The following SCAPER variants were observed in gnomAD, a reference collection of about 807,000 sequenced individuals.
SCAPER encodes S-phase cyclin A associated protein in the ER.
In SCAPER, 98 loss-of-function variants were observed where a neutral mutation model predicts 182.2. The ratio of observed to expected loss-of-function variants is 0.54; its 90% CI spans 0.46 to 0.64. The LOEUF is 0.64. SCAPER is among the 30% of genes least tolerant of loss of function. SCAPER has a pLI of 0.00. For synonymous variants in SCAPER, 605 were observed against 564.6 expected (o/e 1.07, Z -1.01); for missense variants, 1,432 against 1,690.0 (o/e 0.85, Z 2.68).
chr15:76,520,964 G>GAT lies in SCAPER; in HGVS notation c.2839-15992_2839-15991dup, dbSNP rs943693100. ...TGGCGGGAAGTTTTCCTAGACAGAT[G>GAT]ATAGCACTACAGATATAATGAACTA... On this transcript the variant is annotated intron_variant, in intron 23 of 31. Coordinates refer to ENST00000563290, the MANE Select transcript of SCAPER (RefSeq NM_020843.4). Among the ~76,000 whole-genome samples the GAT allele has an allele frequency of 1.5e-3, 232 of 152,250 alleles. 1 individual carries two copies. The highest frequency in any genetic ancestry group is 5.3e-3 in the African/African-American group (220 of 41,534).
At chr15:76,399,231 G>C (rs796873068) in intron 27 of SCAPER, among the ~76,000 whole-genome samples, 65 of 152,168 alleles carry the variant, frequency 4.3e-4, no homozygotes, top group African/African-American at 1.4e-3. Context: ...TCCGCCTCCT[G>C]GGTTCAAGCA....
At position 76,857,874 on chromosome 15, in the gene SCAPER, G is replaced by T; in HGVS notation, c.130C>A (p.Pro44Thr). Residue 44 changes from proline to threonine, a missense_variant, in exon 4 of 32, where the codon CCT (proline) becomes ACT (threonine). Physicochemically the swap from Pro to Thr is conservative, Grantham distance 38. This residue lies in a region of SCAPER where 480 missense variants were observed against 510.2 expected (regional missense o/e 0.94). Transcript: ENST00000563290. ...GATTTTCCACCAGTTTGACATTTAGGTTTTCCTTCAAGGCAAGAAAAAAAT... is the reference window on the plus strand; with the variant it reads ...GATTTTCCACCAGTTTGACATTTAGTTTTTCCTTCAAGGCAAGAAAAAAAT... ...PLESKDDDGK[P>T]KCQTGGKSKR... 6.5e-7 allele frequency: 1 copy of T among 1,544,820 alleles called. No homozygotes were observed. The highest frequency in any genetic ancestry group is 8.7e-7 in the Non-Finnish European group (1 of 1,143,570).
intron 4 of SCAPER, among the ~76,000 whole-genome samples, chr15:76,853,922 G>A (rs756102888): frequency 9.9e-5 from 15 of 152,200 alleles, no homozygotes; most frequent in Non-Finnish European, 1.9e-4. Flanking sequence ...AAAACCCATA[G>A]TCTCAGCACA....
At chr15:76,560,358 G>A (rs776968232) in intron 23 of SCAPER, among the ~76,000 whole-genome samples, 4 of 152,154 alleles carry the variant, frequency 2.6e-5, no homozygotes, top group Admixed American at 1.3e-4. Context: ...ATTCAGGCCC[G>A]TAACTAGAAA....
rs753999110 is a variant in SCAPER at position 76,348,492 on chromosome 15, T to C, written c.*141A>G. ...TTCAAGTATCTACAGTCATTATAAA[T>C]AGTGTAAAGTACATGCCATATCTAC... On this transcript the variant is annotated 3_prime_UTR_variant, in exon 32 of 32. Transcript: ENST00000563290. 77 of 516,654 alleles carry C rather than the reference T, an allele frequency of 1.5e-4. No homozygotes were observed. The highest frequency in any genetic ancestry group is 2.4e-4 in the Non-Finnish European group (69 of 292,298). 32.0% of individuals were successfully genotyped at this position (516,654 alleles called of 1,614,324 possible). A position where few individuals can be genotyped will look rare whatever the true frequency, so the allele number is the denominator to read the frequency against.
chr15:76,362,279 T>C (rs149483932), intron 29 of SCAPER, among the ~76,000 whole-genome samples: 50 of 151,602 alleles, frequency 3.3e-4, no homozygotes, highest in Non-Finnish European at 6.6e-4. Flanking sequence ...AGCCCACATA[T>C]TGTTTTTTAA....
intron 1 of SCAPER, among the ~76,000 whole-genome samples, chr15:76,888,647 G>A (rs955554579): frequency 1.3e-5 from 2 of 152,134 alleles, no homozygotes; most frequent in African/African-American, 4.8e-5. Context: ...AAAAAGAAAT[G>A]AACAAAGCCT....
intron 26 of SCAPER, among the ~76,000 whole-genome samples, chr15:76,427,745 CA>C (rs2046538541): frequency 6.6e-6 from 1 of 151,990 alleles, no homozygotes; most frequent in Non-Finnish European, 1.5e-5. Flanking sequence ...CCAGCCTGGC[CA>C]ACATGGTGAA....
intron 26 of SCAPER, among the ~76,000 whole-genome samples, chr15:76,424,522 G>A (rs889860445): frequency 6.6e-6 from 1 of 152,264 alleles, no homozygotes; most frequent in African/African-American, 2.4e-5. Flanking sequence ...CTCTGCACGT[G>A]AGATGGGTCT....
chr15:76,404,054 C>T (rs2044651450), intron 27 of SCAPER, among the ~76,000 whole-genome samples: 1 of 152,132 alleles, frequency 6.6e-6, no homozygotes, highest in African/African-American at 2.4e-5. Flanking sequence ...GGCTCCCTTC[C>T]CTTATTCATG....
intron 5 of SCAPER, among the ~76,000 whole-genome samples, chr15:76,809,483 G>A (rs1483173172): frequency 6.6e-6 from 1 of 151,854 alleles, no homozygotes; most frequent in Non-Finnish European, 1.5e-5. Flanking sequence ...TTTAATATAG[G>A]GGTTAAACAG....
At chr15:76,488,764 T>C (rs936803138) in intron 24 of SCAPER, among the ~76,000 whole-genome samples, 3 of 130,734 alleles carry the variant, frequency 2.3e-5, no homozygotes, top group Admixed American at 1.8e-4. Context: ...CTCTCTCTTT[T>C]GCCCAGGCTG....
chr15:76,859,538 A>G (rs139247649), intron 3 of SCAPER, among the ~76,000 whole-genome samples: 1 of 152,346 alleles, frequency 6.6e-6, no homozygotes, highest in Admixed American at 6.5e-5. Flanking sequence ...CTAAGTATAT[A>G]TTGTAGTCAT....
chr15:76,801,246 C>T (rs914808073), intron 6 of SCAPER, among the ~76,000 whole-genome samples: 2 of 152,080 alleles, frequency 1.3e-5, no homozygotes, highest in African/African-American at 4.8e-5. Context: ...TAGTTTACTA[C>T]TACTCTTATG....
intron 21 of SCAPER, among the ~76,000 whole-genome samples, chr15:76,649,193 T>C (rs564723789): frequency 4.6e-5 from 7 of 152,292 alleles, no homozygotes; most frequent in Admixed American, 4.6e-4. Context: ...TCCTTAGTTT[T>C]CTTGGCATGA....
At position 76,775,137 on chromosome 15, in the gene SCAPER, A is replaced by T. The variant is rs2063673585; in HGVS notation, c.773-20T>A. ...TCCGTTCTATGCAATTAAAGTAAAA[A>T]ACAAATCAAGATTTATTTAGATGAT... On this transcript the variant is annotated intron_variant, in intron 8 of 31. Coordinates refer to ENST00000563290, the MANE Select transcript of SCAPER (RefSeq NM_020843.4). 1.9e-6 allele frequency: 3 copies of T among 1,559,422 alleles called. No homozygotes were observed. Among genetic ancestry groups the T allele is most frequent in the South Asian group, 2.4e-5 (2 of 83,196 alleles).
Position 76,725,078 on chromosome 15 carries a change from C to G in SCAPER, c.2165+3517G>C, listed in dbSNP as rs56657994. Among the ~76,000 whole-genome samples the G allele has an allele frequency of 3.6e-3, 554 of 152,082 alleles. 2 individuals are homozygous for G. The highest frequency in any genetic ancestry group is 0.013 in the African/African-American group (532 of 41,482). On this transcript the variant is annotated intron_variant, in intron 17 of 31. Coordinates refer to ENST00000563290, the MANE Select transcript of SCAPER (RefSeq NM_020843.4). ...TATTCGGTCATCTTCTCTCCACCCC[C>G]CAATAAATGGTATTTCTAAACACCA... is the stretch of plus-strand genomic sequence containing the variant.
chr15:76,821,677 T>A (rs2067567699), intron 5 of SCAPER, among the ~76,000 whole-genome samples: 1 of 151,992 alleles, frequency 6.6e-6, no homozygotes, highest in Non-Finnish European at 1.5e-5. Flanking sequence ...ACACCCGTAA[T>A]CAAAGCACTT....
At chr15:76,615,261 G>A (rs899945524) in intron 22 of SCAPER, among the ~76,000 whole-genome samples, 2 of 151,846 alleles carry the variant, frequency 1.3e-5, no homozygotes, top group Non-Finnish European at 2.9e-5. Context: ...CCTGGGCTAC[G>A]TGGTAAGACC....
Sources: allele counts gnomAD v4.1 joint callset (sites outside exome capture counted in the v4.1 genomes callset), GRCh38; gene constraint gnomAD v4.1.1; regional missense constraint gnomAD v4.1.1; transcripts MANE v1.5; gene names NCBI Gene and HGNC (gene_info 2026-07-23, HGNC 2026-07-21).